The following ZNF708 variants were observed in gnomAD, a reference collection of about 807,000 sequenced individuals.
ZNF708 encodes the protein zinc finger protein 708, also known as ZNF15, ZNF15L1.
Under a neutral mutation model 47.0 loss-of-function variants are expected in ZNF708, and 44 were observed. That is an observed-to-expected ratio of 0.94 (90% CI 0.74 to 1.20). The LOEUF (loss-of-function observed/expected upper bound fraction) is 1.20, where lower values mean the gene tolerates loss of function less well. ZNF708 is among the 50% of genes most tolerant of loss of function. The probability of loss-of-function intolerance (pLI) is 0.00; values close to 1 mark genes in which losing one functional copy is unlikely to be tolerated. For missense variants in ZNF708, 557 were observed against 656.0 expected (o/e 0.85, Z 1.65); for synonymous variants, 184 against 218.5 (o/e 0.84, Z 1.39).
chr19:21,327,064 T>G (rs1197098428), intron 1 of ZNF708, among the ~76,000 whole-genome samples: 1 of 152,098 alleles, frequency 6.6e-6, no homozygotes, highest in Non-Finnish European at 1.5e-5. Context: ...AAATACATGA[T>G]TAATATTAAT....
At chr19:21,295,872 A>G (rs1054401855) in intron 3 of ZNF708, among the ~76,000 whole-genome samples, 7 of 152,256 alleles carry the variant, frequency 4.6e-5, no homozygotes, top group African/African-American at 1.7e-4. Context: ...GAAAGCAACC[A>G]TAGGAATATA....
intron 1 of ZNF708, among the ~76,000 whole-genome samples, chr19:21,324,200 C>T (rs566017898): frequency 3.4e-4 from 51 of 151,752 alleles, no homozygotes; most frequent in Non-Finnish European, 5.0e-4. Context: ...GCTGAGATCG[C>T]GCCACTGCAC....
At chr19:21,309,641 A>G (rs1237167037) in intron 2 of ZNF708, among the ~76,000 whole-genome samples, 1 of 152,052 alleles carries the variant, frequency 6.6e-6, no homozygotes, top group Non-Finnish European at 1.5e-5. Flanking sequence ...CCAGGAGGCA[A>G]AGGTTGCAGT....
At chr19:21,311,055 G>A (rs1244205296) in intron 1 of ZNF708, among the ~76,000 whole-genome samples, 1 of 152,014 alleles carries the variant, frequency 6.6e-6, no homozygotes, top group Non-Finnish European at 1.5e-5. Flanking sequence ...CAGAAGATCT[G>A]GAATAAAGTC....
At chr19:21,305,810 G>C (rs1353598841) in intron 3 of ZNF708, among the ~76,000 whole-genome samples, 1 of 151,950 alleles carries the variant, frequency 6.6e-6, no homozygotes, top group Non-Finnish European at 1.5e-5. Context: ...CCTTGAAAAA[G>C]AACAAAGAGG....
intron 1 of ZNF708, among the ~76,000 whole-genome samples, chr19:21,319,242 A>G (rs1973077098): frequency 6.6e-6 from 1 of 152,158 alleles, no homozygotes. Context: ...ATAGAAACCA[A>G]AGTACAACTA....
chr19:21,326,063 G>A (rs1453135265), intron 1 of ZNF708, among the ~76,000 whole-genome samples: 1 of 152,160 alleles, frequency 6.6e-6, no homozygotes, highest in Non-Finnish European at 1.5e-5. Context: ...TCAAGAAACA[G>A]TAGATGTTGG....
intron 3 of ZNF708, among the ~76,000 whole-genome samples, chr19:21,296,298 C>T (rs906633313): frequency 5.9e-5 from 9 of 151,864 alleles, no homozygotes; most frequent in East Asian, 1.9e-4. Context: ...GTCAGAAGTT[C>T]GAGACCAGTC....
intron 3 of ZNF708, among the ~76,000 whole-genome samples, chr19:21,299,129 G>C (rs1020589732): frequency 4.6e-5 from 7 of 152,196 alleles, no homozygotes; most frequent in African/African-American, 1.7e-4. Flanking sequence ...GCCGAGGCGG[G>C]TGGATCACGA....
intron 2 of ZNF708, among the ~76,000 whole-genome samples, chr19:21,310,169 G>A (rs670813): frequency 0.21 from 32,212 of 151,798 alleles, 3,567 homozygotes; most frequent in Non-Finnish European, 0.24. Flanking sequence ...TCACCTTGCC[G>A]GGCAAGGTGG....
rs539905406 is a variant in ZNF708, at chr19:21,307,547, G to A, written c.226+1699C>T. Among the ~76,000 whole-genome samples, 3 of 152,162 alleles carry A rather than the reference G, an allele frequency of 2.0e-5. No individual in the cohort carries two copies. In the East Asian group the frequency reaches 5.8e-4, roughly 29 times the overall value. Reference sequence around the variant, plus strand: ...TGAAGCACCAGAATCACTTGAACCCGGGAGGCGGAGGTTGCAGTGAGCCGA... The same window carrying A: ...TGAAGCACCAGAATCACTTGAACCCAGGAGGCGGAGGTTGCAGTGAGCCGA... On this transcript the variant is annotated intron_variant, in intron 3 of 3. Coordinates refer to ENST00000356929, the MANE Select transcript of ZNF708 (RefSeq NM_021269.3).
At chr19:21,323,256 G>A (rs554232225) in intron 1 of ZNF708, among the ~76,000 whole-genome samples, 11 of 152,238 alleles carry the variant, frequency 7.2e-5, no homozygotes, top group East Asian at 1.9e-4. Flanking sequence ...AGCAGACACC[G>A]ACTCTGCACA....
rs187218711 is a variant in ZNF708 at position 21,324,677 on chromosome 19, A to G, written c.3+4533T>C. 2.0e-5 allele frequency among the ~76,000 whole-genome samples: 3 copies of G among 152,340 alleles called. No individual in the cohort carries two copies. The East Asian group carries it at 5.8e-4, about 29-fold the overall frequency. The stretch of plus-strand genomic sequence containing the variant: ...CTCAATAAGAAAAGCAAAAGTGTCC[A>G]TTCCTTTCAAACAATAAATGCATTA... On this transcript the variant is annotated intron_variant, in intron 1 of 3. Transcript: ENST00000356929.
chr19:21,309,369 A>C (rs777766584), intron 2 of ZNF708, 28 bp from the exon 3 acceptor site: 4 of 1,534,200 alleles, frequency 2.6e-6, no homozygotes, highest in Non-Finnish European at 3.5e-6. Context: ...AATAACGTGA[A>C]TCTTGCTCAT....
At chr19:21,321,516 A>G (rs1973135772) in intron 1 of ZNF708, among the ~76,000 whole-genome samples, 1 of 151,650 alleles carries the variant, frequency 6.6e-6, no homozygotes, top group Admixed American at 6.6e-5. Flanking sequence ...TGGGAGGCGG[A>G]AGTTGCAGTG....
intron 3 of ZNF708, among the ~76,000 whole-genome samples, chr19:21,308,565 C>T (rs988533835): frequency 5.9e-5 from 9 of 152,108 alleles, no homozygotes; most frequent in African/African-American, 1.9e-4. Flanking sequence ...AGGAGTGAGC[C>T]ACCGTGCCCA....
intron 3 of ZNF708, among the ~76,000 whole-genome samples, chr19:21,301,252 A>G (rs919269928): frequency 1.3e-5 from 2 of 151,226 alleles, no homozygotes; most frequent in African/African-American, 4.9e-5. Context: ...CAAGGTGGAC[A>G]TATCACTTGA....
At chr19:21,322,037 G>A (rs61294214) in intron 1 of ZNF708, among the ~76,000 whole-genome samples, 300 of 152,278 alleles carry the variant, frequency 2.0e-3, no homozygotes, top group African/African-American at 6.6e-3. Flanking sequence ...GGTTGGTGGA[G>A]AAAACAGGTT....
intron 3 of ZNF708, among the ~76,000 whole-genome samples, chr19:21,305,337 C>A (rs1972738281): frequency 6.6e-6 from 1 of 151,234 alleles, no homozygotes; most frequent in African/African-American, 2.4e-5. Flanking sequence ...GCTCCAGGGT[C>A]AAAAAATTTA....
Sources: gnomAD v4.1 joint callset for allele counts (sites outside exome capture counted in the v4.1 genomes callset) on GRCh38, gnomAD v4.1.1 for gene constraint, MANE v1.5 for transcripts, NCBI Gene and HGNC (gene_info 2026-07-23, HGNC 2026-07-21) for gene names.